The following CFAP61 variants were observed in gnomAD, a reference collection of about 807,000 sequenced individuals.
The protein encoded by CFAP61 is cilia and flagella associated protein 61, also known as cilia- and flagella-associated protein 61.
In CFAP61, 107 loss-of-function variants were observed where a neutral mutation model predicts 135.6. The observed-to-expected ratio is 0.79, with a 90% CI of 0.67 to 0.93. CFAP61 has a LOEUF of 0.93. CFAP61 is among the 40% of genes least tolerant of loss of function. The pLI is 0.00. For missense variants in CFAP61, 1,507 were observed against 1,556.2 expected (o/e 0.97, Z 0.53); for synonymous variants, 575 against 578.5 (o/e 0.99, Z 0.09).
chr20:20,296,881 GT>G (rs1233449540), intron 24 of CFAP61, among the ~76,000 whole-genome samples: 2 of 151,974 alleles, frequency 1.3e-5, no homozygotes, highest in Non-Finnish European at 2.9e-5. Context: ...GTGGGCCATT[GT>G]TTTTTGGATA....
chr20:20,152,022 A>G (rs2052477296), intron 9 of CFAP61, among the ~76,000 whole-genome samples: 1 of 152,122 alleles, frequency 6.6e-6, no homozygotes, highest in Non-Finnish European at 1.5e-5. Context: ...CAGGTTTCTC[A>G]GCAGAAACAC....
At chr20:20,249,093 T>C (rs2069237802) in intron 19 of CFAP61, among the ~76,000 whole-genome samples, 1 of 152,228 alleles carries the variant, frequency 6.6e-6, no homozygotes, top group African/African-American at 2.4e-5. Context: ...GGCCCTGCTA[T>C]GTTAGAATAT....
At chr20:20,211,593 A>G (rs1446849672) in intron 17 of CFAP61, among the ~76,000 whole-genome samples, 1 of 152,232 alleles carries the variant, frequency 6.6e-6, no homozygotes, top group Non-Finnish European at 1.5e-5. Context: ...GATATCAAAC[A>G]TGACTCAGCT....
At chr20:20,309,896 G>A (rs1196182702) in intron 25 of CFAP61, among the ~76,000 whole-genome samples, 1 of 152,194 alleles carries the variant, frequency 6.6e-6, no homozygotes, top group Non-Finnish European at 1.5e-5. Flanking sequence ...GTGCCCTCTT[G>A]GGTCAGATGG....
chr20:20,312,538 A>G (rs1172080997), intron 25 of CFAP61, among the ~76,000 whole-genome samples: 1 of 152,228 alleles, frequency 6.6e-6, no homozygotes, highest in African/African-American at 2.4e-5. Flanking sequence ...CAAGTGGCCT[A>G]AAGAAATAAC....
chr20:20,255,210 C>T (rs1365958816), intron 20 of CFAP61, among the ~76,000 whole-genome samples: 2 of 152,178 alleles, frequency 1.3e-5, no homozygotes, highest in Admixed American at 1.3e-4. Flanking sequence ...GGCAAACACA[C>T]TCTGGTTTTG....
intron 18 of CFAP61, 100 bp downstream of exon 18, chr20:20,228,476 T>G: frequency 2.0e-6 from 2 of 1,012,246 alleles, no homozygotes; most frequent in Non-Finnish European, 1.5e-6. Flanking sequence ...CTGAGATTGT[T>G]TGGTACTCCA....
rs187230099 is a variant in CFAP61, at chr20:20,186,431, G to A, written c.1386-1499G>A. ...TGTTTATCCATTCATCAATTGATGGGCATTTGGGTTGTTTTTTCTTGGGCT... is the reference window on the plus strand; with the variant it reads ...TGTTTATCCATTCATCAATTGATGGACATTTGGGTTGTTTTTTCTTGGGCT... On this transcript the variant is annotated intron_variant, in intron 13 of 26. Transcript: ENST00000245957. Among the ~76,000 whole-genome samples the A allele has an allele frequency of 1.0e-3, 155 of 152,254 alleles. 2 individuals carry two copies. The highest frequency in any genetic ancestry group is 3.6e-3 in the African/African-American group (148 of 41,538).
intron 25 of CFAP61, among the ~76,000 whole-genome samples, chr20:20,307,316 C>T (rs1368471679): frequency 2.6e-5 from 4 of 152,216 alleles, no homozygotes; most frequent in Admixed American, 6.5e-5. Context: ...GCATCAGTTT[C>T]CTCACCCATA....
chr20:20,140,755 C>T (rs1362466825), intron 8 of CFAP61, among the ~76,000 whole-genome samples: 10 of 151,386 alleles, frequency 6.6e-5, no homozygotes, highest in Non-Finnish European at 1.0e-4. Flanking sequence ...TATAAAGACA[C>T]ATGCACACGT....
chr20:20,234,730 G>T (rs2049443643), intron 18 of CFAP61, among the ~76,000 whole-genome samples: 1 of 152,126 alleles, frequency 6.6e-6, no homozygotes, highest in Admixed American at 6.5e-5. Context: ...CTGAAACCTG[G>T]GGGTAGGGCC....
intron 17 of CFAP61, among the ~76,000 whole-genome samples, chr20:20,205,387 CAG>C (rs2056813845): frequency 6.6e-6 from 1 of 152,202 alleles, no homozygotes; most frequent in African/African-American, 2.4e-5. Flanking sequence ...AATTAATTGA[CAG>C]AGTTTCAAAC....
chr20:20,281,054 T>G (rs180746830), intron 22 of CFAP61, among the ~76,000 whole-genome samples: 1 of 152,368 alleles, frequency 6.6e-6, no homozygotes, highest in Admixed American at 6.5e-5. Flanking sequence ...GTATTTAAAA[T>G]TTTGAAATTT....
intron 19 of CFAP61, among the ~76,000 whole-genome samples, chr20:20,250,308 C>T (rs1255208764): frequency 3.9e-5 from 6 of 152,202 alleles, no homozygotes; most frequent in East Asian, 1.9e-4. Flanking sequence ...TACATTCTCA[C>T]GGTCACTCCT....
intron 7 of CFAP61, among the ~76,000 whole-genome samples, 153 bp from the exon 8 acceptor site, chr20:20,098,502 C>T (rs1483283797): frequency 1.4e-5 from 2 of 144,490 alleles, no homozygotes; most frequent in Non-Finnish European, 3.0e-5. Flanking sequence ...CCCAGCTCTG[C>T]GGGAGGCTGG....
At chr20:20,339,659 C>A (rs918155386) in intron 25 of CFAP61, among the ~76,000 whole-genome samples, 1 of 151,662 alleles carries the variant, frequency 6.6e-6, no homozygotes, top group Non-Finnish European at 1.5e-5. Context: ...ATTTTTTATT[C>A]TTTGTAGAGA....
intron 9 of CFAP61, among the ~76,000 whole-genome samples, chr20:20,145,952 C>G (rs1268792657): frequency 6.6e-6 from 1 of 152,210 alleles, no homozygotes; most frequent in Non-Finnish European, 1.5e-5. Flanking sequence ...GGCAGAAAAT[C>G]AGTAAGGATA....
chr20:20,072,280 A>T (rs556165010), intron 3 of CFAP61, among the ~76,000 whole-genome samples: 12 of 151,654 alleles, frequency 7.9e-5, no homozygotes, highest in African/African-American at 2.7e-4. Context: ...ACGCCCGGCT[A>T]ATTTTTTTGT....
At chr20:20,319,794 A>C (rs974765190) in intron 25 of CFAP61, among the ~76,000 whole-genome samples, 3 of 152,218 alleles carry the variant, frequency 2.0e-5, no homozygotes, top group African/African-American at 7.2e-5. Flanking sequence ...ATGAAGGAGA[A>C]ATAGTATGAC....
Sources: gnomAD v4.1 joint callset for allele counts (sites outside exome capture counted in the v4.1 genomes callset) on GRCh38, gnomAD v4.1.1 for gene constraint, MANE v1.5 for transcripts, NCBI Gene and HGNC (gene_info 2026-07-23, HGNC 2026-07-21) for gene names.